Variants in LRRFIP2 observed in about 807,000 individuals in gnomAD.
LRRFIP2 encodes LRR binding FLII interacting protein 2, also known as leucine-rich repeat flightless-interacting protein 2.
A neutral mutation model predicts 125.9 loss-of-function variants in LRRFIP2; 109 were observed. The observed-to-expected ratio is 0.87, with a 90% CI of 0.74 to 1.01. LRRFIP2 has a LOEUF of 1.01. LRRFIP2 is among the 50% of genes least tolerant of loss of function. The pLI, the probability that LRRFIP2 is intolerant of heterozygous loss-of-function variation, is 0.00. For missense variants in LRRFIP2, 850 were observed against 862.3 expected, an observed-to-expected ratio of 0.99 and a Z score of 0.18; for synonymous variants, 291 against 293.1, an observed-to-expected ratio of 0.99 and a Z score of 0.07.
intron 2 of LRRFIP2, among the ~76,000 whole-genome samples, chr3:37,140,653 C>CAA (rs577510997): frequency 4.5e-4 from 28 of 62,198 alleles, no homozygotes; most frequent in Middle Eastern, 0.011. Context: ...ATTCTGTCTC[C>CAA]AAAAAAAAAA....
intron 3 of LRRFIP2, among the ~76,000 whole-genome samples, chr3:37,128,239 G>T (rs2095337493): frequency 6.6e-6 from 1 of 152,098 alleles, no homozygotes. Flanking sequence ...CCTGCTCACA[G>T]AAAATTCACC....
chr3:37,169,342 T>A (rs544457394), intron 1 of LRRFIP2, among the ~76,000 whole-genome samples: 2 of 152,370 alleles, frequency 1.3e-5, no homozygotes, highest in South Asian at 4.1e-4. Context: ...AAAGGATGAA[T>A]CTGGCAAGAC....
intron 17 of LRRFIP2, among the ~76,000 whole-genome samples, chr3:37,094,043 C>T (rs1356685077): frequency 6.6e-6 from 1 of 152,166 alleles, no homozygotes; most frequent in Non-Finnish European, 1.5e-5. Context: ...CCCATTCTTG[C>T]TACTACCATT....
intron 19 of LRRFIP2, among the ~76,000 whole-genome samples, chr3:37,078,580 C>T (rs554337054): frequency 6.6e-5 from 10 of 152,228 alleles, no homozygotes; most frequent in African/African-American, 2.2e-4. Flanking sequence ...CTGGAACTAT[C>T]AGCAAGAACT....
chr3:37,113,170 C>T (rs570367256), intron 7 of LRRFIP2, among the ~76,000 whole-genome samples, 190 bp from the exon 8 acceptor site: 26 of 152,350 alleles, frequency 1.7e-4, no homozygotes, highest in African/African-American at 5.8e-4. Flanking sequence ...CCTCTCTACA[C>T]ATCTGCATTC....
chr3:37,120,872 GGT>G, intron 6 of LRRFIP2, among the ~76,000 whole-genome samples: 1 of 152,084 alleles, frequency 6.6e-6, no homozygotes, highest in Non-Finnish European at 1.5e-5. Context: ...GCTGCTTTAA[GGT>G]GTAAAGCATA....
chr3:37,123,221 C>T (rs746167913), intron 4 of LRRFIP2, among the ~76,000 whole-genome samples: 2 of 152,244 alleles, frequency 1.3e-5, no homozygotes, highest in African/African-American at 2.4e-5. Flanking sequence ...CGGAGTCTCG[C>T]TCTGTCGCCT....
At chr3:37,121,717 A>C in intron 4 of LRRFIP2, 26 bp from the exon 5 acceptor site, 2 of 1,608,494 alleles carry the variant, frequency 1.2e-6, no homozygotes, top group Non-Finnish European at 1.7e-6. Context: ...GTACATGGAG[A>C]GTTAATCACT....
At position 37,115,042 on chromosome 3, in the gene LRRFIP2, T is replaced by C. The variant is rs369681973; in HGVS notation, c.372+12A>G. 6.3e-7 allele frequency: 1 copy of C among 1,594,010 alleles called. No homozygotes were observed. Among genetic ancestry groups the C allele is most frequent in the Middle Eastern group, 1.7e-4 (1 of 6,006 alleles). On this transcript the variant is annotated intron_variant, in intron 7 of 27. Coordinates refer to ENST00000336686, the MANE Select transcript of LRRFIP2 (RefSeq NM_006309.4). ...AAATTCCACATATAACACAAAGTCATGTGCTACATACTAATGATGAAAGTC... is the reference window on the plus strand; with the variant it reads ...AAATTCCACATATAACACAAAGTCACGTGCTACATACTAATGATGAAAGTC...
intron 6 of LRRFIP2, among the ~76,000 whole-genome samples, chr3:37,116,422 C>G (rs748880172): frequency 6.6e-6 from 1 of 152,044 alleles, no homozygotes; most frequent in Non-Finnish European, 1.5e-5. Context: ...CAGGCAGAGG[C>G]CACCGTACCC....
intron 17 of LRRFIP2, among the ~76,000 whole-genome samples, chr3:37,094,277 T>TA (rs1291923038): frequency 6.6e-6 from 1 of 152,150 alleles, no homozygotes; most frequent in Non-Finnish European, 1.5e-5. Context: ...TTTTTCCAAG[T>TA]AAAGGGGTTA....
chr3:37,054,614 A>G (rs1559619277), intron 26 of LRRFIP2, 99 bp from the exon 27 acceptor site: 32 of 743,380 alleles, frequency 4.3e-5, no homozygotes, highest in Non-Finnish European at 9.1e-6. Flanking sequence ...AATGCCAAGT[A>G]ATCTACTAAC....
chr3:37,074,893 T>G (rs890000551), intron 20 of LRRFIP2, 131 bp downstream of exon 20: 39 of 590,140 alleles, frequency 6.6e-5, no homozygotes, highest in South Asian at 3.3e-4. Flanking sequence ...GTTTGAAAAT[T>G]TGTAGTGTAC....
chr3:37,058,439 TGAGGTGGGCA>T (rs1242987421), intron 25 of LRRFIP2, among the ~76,000 whole-genome samples: 2 of 152,084 alleles, frequency 1.3e-5, no homozygotes, highest in Non-Finnish European at 2.9e-5. Context: ...TCTGGGAGGC[TGAGGTGGGCA>T]GATCACCTGA....
intron 27 of LRRFIP2, among the ~76,000 whole-genome samples, chr3:37,054,203 A>G (rs779995093): frequency 6.6e-6 from 1 of 152,254 alleles, no homozygotes; most frequent in Non-Finnish European, 1.5e-5. Flanking sequence ...AAGCAAAAAT[A>G]CAAACTATCT....
intron 2 of LRRFIP2, among the ~76,000 whole-genome samples, chr3:37,145,949 A>G (rs1577451404): frequency 6.6e-6 from 1 of 152,378 alleles, no homozygotes; most frequent in Non-Finnish European, 1.5e-5. Context: ...TGCAGATTTT[A>G]TAAGGATTAA....
chr3:37,167,568 C>T (rs867457253), intron 1 of LRRFIP2, among the ~76,000 whole-genome samples: 26 of 150,820 alleles, frequency 1.7e-4, no homozygotes, highest in Middle Eastern at 6.8e-3. Context: ...GCAGGAGAAT[C>T]GCTTAAACCC....
chr3:37,065,347 T>G, intron 23 of LRRFIP2: 2 of 297,874 alleles, frequency 6.7e-6, no homozygotes, highest in Non-Finnish European at 1.3e-5. Context: ...TTCTCTGATA[T>G]CTTTTTGGTC....
chr3:37,167,210 A>AAAAAAG (rs2096514814), intron 1 of LRRFIP2, among the ~76,000 whole-genome samples: 5 of 150,056 alleles, frequency 3.3e-5, no homozygotes, highest in African/African-American at 1.2e-4. Flanking sequence ...AAAAAAAAAA[A>AAAAAAG]AAAGAAAGAA....
Sources: allele counts gnomAD v4.1 joint callset (sites outside exome capture counted in the v4.1 genomes callset), GRCh38; gene constraint gnomAD v4.1.1; transcripts MANE v1.5; gene names NCBI Gene and HGNC (gene_info 2026-07-23, HGNC 2026-07-21).